GIGYF2: variants seen among roughly 807,000 people sequenced by gnomAD.
GIGYF2 encodes the protein GRB10 interacting GYF protein 2, also known as GRB10-interacting GYF protein 2.
In GIGYF2, 25 loss-of-function variants were observed where a neutral mutation model predicts 208.1. That is an observed-to-expected ratio of 0.12 (90% CI 0.09 to 0.17). The LOEUF (loss-of-function observed/expected upper bound fraction) is 0.17, where lower values mean the gene tolerates loss of function less well. Ranked by LOEUF, GIGYF2 falls within the 10% of genes least tolerant of loss-of-function variation. The pLI is 1.00. For synonymous variants in GIGYF2, 534 were observed against 543.8 expected (o/e 0.98, Z 0.25); for missense variants, 1,302 against 1,579.4 (o/e 0.82, Z 2.98).
chr2:232,850,468 C>T, intron 28 of GIGYF2, 59 bp downstream of exon 28: 1 of 1,452,296 alleles, frequency 6.9e-7, no homozygotes, highest in South Asian at 1.1e-5. Context: ...ACCAGTTATC[C>T]TGTGTGAGTT....
chr2:232,730,268 G>A, intron 2 of GIGYF2: 4 of 741,540 alleles, frequency 5.4e-6, no homozygotes, highest in Admixed American at 2.5e-5. Flanking sequence ...TGTGCTGAAA[G>A]AGGAAAAAAA....
chr2:232,774,186 A>C (rs1188108460), intron 8 of GIGYF2, among the ~76,000 whole-genome samples: 1 of 152,120 alleles, frequency 6.6e-6, no homozygotes, highest in Non-Finnish European at 1.5e-5. Flanking sequence ...AATATTATAC[A>C]TTCTGAGTCC....
intron 2 of GIGYF2, among the ~76,000 whole-genome samples, chr2:232,724,158 A>C (rs1697079481): frequency 6.7e-6 from 1 of 149,970 alleles, no homozygotes. Flanking sequence ...CTCCTGCCTC[A>C]GCCTTCTGAG....
In GIGYF2 at chr2:232,776,498, CA is replaced by C. The variant is rs779834022; in HGVS notation, c.533-10651del. 149 of 1,398,452 alleles carry C rather than the reference CA, an allele frequency of 1.1e-4. 1 individual carries two copies. The Admixed American group carries it at 1.2e-3, about 11-fold the overall frequency. 86.6% of individuals were successfully genotyped at this position (1,398,452 alleles called of 1,614,324 possible). On this transcript the variant is annotated intron_variant, in intron 8 of 28. Coordinates refer to ENST00000373563, the MANE Select transcript of GIGYF2 (RefSeq NM_001103146.3). The stretch of plus-strand genomic sequence containing the variant: ...CCAAGGTAGGTCTTAAGGAAATTTA[CA>C]GAGTCTGCCTTTTTGATCAGATAAT...
At chr2:232,784,914 G>C (rs1699863189) in intron 8 of GIGYF2, among the ~76,000 whole-genome samples, 1 of 151,976 alleles carries the variant, frequency 6.6e-6, no homozygotes, top group South Asian at 2.1e-4. Context: ...GAGTTCAAGA[G>C]TCTGGGATCT....
chr2:232,706,201 A>C (rs1696103017), intron 2 of GIGYF2, among the ~76,000 whole-genome samples: 1 of 152,194 alleles, frequency 6.6e-6, no homozygotes, highest in Non-Finnish European at 1.5e-5. Flanking sequence ...TTTTTCAGCC[A>C]GGGTTGTTTT....
rs1701614703 is a variant in GIGYF2, at chr2:232,836,310, ATATATATATATATATAT to A, written c.2766+3218_2766+3234del. ...TATATATATATATATATATATATAT[ATATATATATATATATAT>A]ATACATATATATACTTATATATTTA... On this transcript the variant is annotated intron_variant, in intron 22 of 28. Coordinates refer to ENST00000373563, the MANE Select transcript of GIGYF2 (RefSeq NM_001103146.3). Among the ~76,000 whole-genome samples, 12 of 20,640 alleles carry A rather than the reference ATATATATATATATATAT, an allele frequency of 5.8e-4. 2 individuals carry two copies. Among genetic ancestry groups the A allele is most frequent in the East Asian group, 1.5e-3 (2 of 1,298 alleles). The allele number at this position is 20,640 out of a possible 152,430, so 13.5% of individuals were successfully genotyped here. A position where few individuals can be genotyped will look rare whatever the true frequency, so the allele number is the denominator to read the frequency against.
At chr2:232,752,017 A>C (rs994684346) in intron 5 of GIGYF2, among the ~76,000 whole-genome samples, 1 of 152,186 alleles carries the variant, frequency 6.6e-6, no homozygotes, top group African/African-American at 2.4e-5. Flanking sequence ...TAAGGTCTGT[A>C]TTCTGTGATC....
intron 8 of GIGYF2, among the ~76,000 whole-genome samples, chr2:232,786,082 C>G (rs1388200742): frequency 6.6e-6 from 1 of 152,114 alleles, no homozygotes; most frequent in Non-Finnish European, 1.5e-5. Context: ...TTTTAAAATA[C>G]CAGTTTAGTT....
At chr2:232,761,654 G>T in intron 8 of GIGYF2, 1 of 378,254 alleles carries the variant, frequency 2.6e-6, no homozygotes, top group Non-Finnish European at 4.8e-6. Flanking sequence ...CTTTATTAAG[G>T]CCAATTTGTG....
chr2:232,803,426 T>G (rs1413145982), intron 14 of GIGYF2, among the ~76,000 whole-genome samples: 2 of 150,284 alleles, frequency 1.3e-5, no homozygotes. Context: ...ATGCCAATGG[T>G]TTTTTTTGTG....
At chr2:232,747,556 A>C (rs569564582) in intron 3 of GIGYF2, 59 bp from the exon 4 acceptor site, 10 of 1,583,290 alleles carry the variant, frequency 6.3e-6, no homozygotes, top group Non-Finnish European at 8.7e-6. Context: ...GACAGTGTAT[A>C]GTATAAAAAG....
rs780905017 is a variant in GIGYF2, at chr2:232,791,004, A to G, written c.931-4A>G. On this transcript the variant is annotated splice_region_variant and splice_polypyrimidine_tract_variant and intron_variant, in intron 10 of 28. Transcript: ENST00000373563. ...TGATCTTTGGTTTTATTCTCTTTCT[A>G]CAGAAAGTACAGAAAGAGCCTATTC... 24 of 1,613,602 alleles carry G rather than the reference A, an allele frequency of 1.5e-5. No individual in the cohort carries two copies. In the South Asian group the frequency reaches 2.3e-4, roughly 16 times the overall value.
chr2:232,801,048 A>G (rs1405987843), intron 14 of GIGYF2, among the ~76,000 whole-genome samples: 1 of 151,886 alleles, frequency 6.6e-6, no homozygotes, highest in Non-Finnish European at 1.5e-5. Context: ...GAGCCAAGAG[A>G]TCCCACCCCA....
rs757807562 is a variant in GIGYF2 at position 232,794,733 on chromosome 2, A to AT, written c.1283-9dup. ...CTGTATTTCAAAGGATTTTCATCTG[A>AT]TTTTTTCCCCCTAGAAATGGTTGCT... On this transcript the variant is annotated splice_polypyrimidine_tract_variant and intron_variant, in intron 12 of 28. Transcript: ENST00000373563. 6.7e-5 allele frequency: 108 copies of AT among 1,605,268 alleles called. No homozygotes were observed. The Middle Eastern group carries it at 1.2e-3, about 17-fold the overall frequency.
chr2:232,834,468 A>G (rs115143982), intron 22 of GIGYF2, among the ~76,000 whole-genome samples: 291 of 152,300 alleles, frequency 1.9e-3, no homozygotes, highest in Non-Finnish European at 3.5e-3. Context: ...AAAAAAGGTA[A>G]CTTCCAAACT....
chr2:232,744,617 G>T (rs1574829782), intron 3 of GIGYF2, among the ~76,000 whole-genome samples: 1 of 149,534 alleles, frequency 6.7e-6, no homozygotes, highest in South Asian at 2.1e-4. Flanking sequence ...CTGCAGCCTT[G>T]ACCTCCCAGG....
intron 14 of GIGYF2, among the ~76,000 whole-genome samples, chr2:232,801,363 T>A (rs1464796694): frequency 3.9e-5 from 6 of 152,040 alleles, no homozygotes; most frequent in Non-Finnish European, 7.4e-5. Context: ...ACCCTGTCTC[T>A]ACAAATAATA....
At chr2:232,817,235 A>G (rs1700942442) in intron 20 of GIGYF2, among the ~76,000 whole-genome samples, 1 of 152,212 alleles carries the variant, frequency 6.6e-6, no homozygotes, top group African/African-American at 2.4e-5. Context: ...AACCACTAGA[A>G]TTGATATTCT....
Sources: gnomAD v4.1 joint callset for allele counts (sites outside exome capture counted in the v4.1 genomes callset) on GRCh38, gnomAD v4.1.1 for gene constraint, MANE v1.5 for transcripts, NCBI Gene and HGNC (gene_info 2026-07-23, HGNC 2026-07-21) for gene names.